The following ZNF469 variants were observed in gnomAD, a reference collection of about 807,000 sequenced individuals.
The protein encoded by ZNF469 is zinc finger protein 469.
A neutral mutation model predicts 1.0 loss-of-function variants in ZNF469; 1 was observed. The observed-to-expected ratio is 1.00, with a 90% CI of 0.35 to 4.73. The LOEUF (loss-of-function observed/expected upper bound fraction) is 4.73, where lower values mean the gene tolerates loss of function less well. Ranked by LOEUF, ZNF469 falls within the 30% of genes most tolerant of loss-of-function variation. ZNF469 has a pLI of 0.16. For missense variants in ZNF469, 6,100 were observed against 5,356.3 expected, an observed-to-expected ratio of 1.14 and a Z score of -4.33; for synonymous variants, 2,703 against 2,363.4, an observed-to-expected ratio of 1.14 and a Z score of -4.17.
chr16:88,230,877 G>C, the ZNF469 span, among the ~76,000 whole-genome samples: 225 of 152,162 alleles, frequency 1.5e-3, no homozygotes, highest in African/African-American at 4.8e-3. Context: ...GCCTGGCAGA[G>C]GCCCGGGCTC....
At chr16:88,318,248 G>A in the ZNF469 span, among the ~76,000 whole-genome samples, 3 of 152,210 alleles carry the variant, frequency 2.0e-5, no homozygotes, top group African/African-American at 7.2e-5. Flanking sequence ...CTGTGGCTGT[G>A]GGTATACCAA....
the ZNF469 span, among the ~76,000 whole-genome samples, chr16:88,250,912 C>A: frequency 3.9e-5 from 6 of 152,150 alleles, no homozygotes; most frequent in African/African-American, 1.4e-4. Context: ...GGGTATTGCT[C>A]TGTCCCACAG....
the ZNF469 span, among the ~76,000 whole-genome samples, chr16:88,151,128 G>A: frequency 2.0e-5 from 3 of 152,352 alleles, no homozygotes; most frequent in South Asian, 2.1e-4. This position sits in a 1 kb window ranked among gnomAD's most constrained non-coding sequence, Gnocchi z 5.4. Flanking sequence ...CTCCTCTGCC[G>A]GCTCAACCCA....
rs947559953 is a variant in ZNF469, at chr16:88,434,071, A to G, written c.6601A>G (p.Thr2201Ala). 17 of 1,550,202 alleles carry G rather than the reference A, an allele frequency of 1.1e-5. No individual in the cohort carries two copies. Among genetic ancestry groups the G allele is most frequent in the East Asian group, 2.4e-5 (1 of 40,922 alleles). ...CCCGGTGGCTCCCCCGTCTTTGACA[A>G]CAAGCCCCTGCGATCCCAAGGAAGC... Reference protein sequence around the residue: ...DSPVAPPSLTTSPCDPKEALA... With the variant: ...DSPVAPPSLTASPCDPKEALA... The change falls in exon 3 of 3, where the codon ACA becomes GCA. Residue 2201 changes from threonine (T) to alanine (A), a missense_variant. Thr to Ala is a moderately conservative substitution (Grantham distance 58). Coordinates refer to ENST00000565624, the MANE Select transcript of ZNF469 (RefSeq NM_001367624.2).
chr16:88,383,495 G>A (rs996975416), intron 1 of ZNF469, among the ~76,000 whole-genome samples: 3 of 149,352 alleles, frequency 2.0e-5, no homozygotes, highest in African/African-American at 7.3e-5. Flanking sequence ...GCCCGGCGGG[G>A]GCCGCAGCCT....
At chr16:88,231,694 C>G in the ZNF469 span, among the ~76,000 whole-genome samples, 2 of 152,212 alleles carry the variant, frequency 1.3e-5, no homozygotes, top group South Asian at 2.1e-4. The surrounding 1 kb of genome is among the most constrained non-coding windows in gnomAD (Gnocchi z 4.5). Context: ...CTCACACCTC[C>G]TCCTCCTGTG....
At chr16:88,293,378 T>G in the ZNF469 span, among the ~76,000 whole-genome samples, 1 of 151,888 alleles carries the variant, frequency 6.6e-6, no homozygotes, top group Non-Finnish European at 1.5e-5. Context: ...GGTGGATGAA[T>G]GGATAGTTAG....
At chr16:88,232,261 T>A in the ZNF469 span, among the ~76,000 whole-genome samples, 1 of 152,222 alleles carries the variant, frequency 6.6e-6, no homozygotes, top group African/African-American at 2.4e-5. Context: ...AGGATTGCCC[T>A]GCACAGCCAT....
the ZNF469 span, among the ~76,000 whole-genome samples, chr16:88,329,290 G>A: frequency 6.6e-6 from 1 of 152,238 alleles, no homozygotes; most frequent in African/African-American, 2.4e-5. Context: ...AGAACACGGA[G>A]AAGCCCCGTT....
the ZNF469 span, among the ~76,000 whole-genome samples, chr16:88,268,053 C>T: frequency 1.4e-4 from 21 of 152,114 alleles, no homozygotes; most frequent in East Asian, 2.1e-3. Context: ...GGCTTCGATG[C>T]GCTTTTCCCC....
chr16:88,307,004 C>T, the ZNF469 span, among the ~76,000 whole-genome samples: 2 of 152,200 alleles, frequency 1.3e-5, no homozygotes, highest in African/African-American at 4.8e-5. Context: ...CCTTGTTCCT[C>T]CCCCTACTTC....
At chr16:88,124,078 C>T in the ZNF469 span, among the ~76,000 whole-genome samples, 118,102 of 152,100 alleles carry the variant, frequency 0.78, 47,602 homozygotes, top group Middle Eastern at 0.91. Context: ...GCTGGGATCA[C>T]AGGCATGAGC....
At chr16:88,360,142 C>T in the ZNF469 span, among the ~76,000 whole-genome samples, 1 of 151,970 alleles carries the variant, frequency 6.6e-6, no homozygotes, top group African/African-American at 2.4e-5. Context: ...GCATGAGAAA[C>T]CACACCCGGC....
rs187024030 is a variant in ZNF469 at position 88,384,892 on chromosome 16, C to T, written c.-192+1638C>T. Among the ~76,000 whole-genome samples the T allele has an allele frequency of 1.8e-3, 267 of 152,188 alleles. 1 individual carries two copies. Among genetic ancestry groups the T allele is most frequent in the Middle Eastern group, 0.017 (5 of 294 alleles). On this transcript the variant is annotated intron_variant, in intron 1 of 2. Coordinates refer to ENST00000565624, the MANE Select transcript of ZNF469 (RefSeq NM_001367624.2). The stretch of plus-strand genomic sequence containing the variant: ...ACTCTGCTTGGATACCTCCAGTGAC[C>T]GGGAACTCACTCCCCATCACAGCAG...
At chr16:88,273,161 A>G in the ZNF469 span, among the ~76,000 whole-genome samples, 1 of 152,104 alleles carries the variant, frequency 6.6e-6, no homozygotes, top group African/African-American at 2.4e-5. Context: ...GGATAGCTGG[A>G]TAGATAGATA....
chr16:88,267,125 G>A, the ZNF469 span, among the ~76,000 whole-genome samples: 20 of 152,154 alleles, frequency 1.3e-4, no homozygotes, highest in African/African-American at 4.1e-4. Flanking sequence ...CACACTGGCT[G>A]GCGGCACCCT....
chr16:88,433,987 G>A lies in ZNF469; in HGVS notation c.6517G>A (p.Ala2173Thr). 1 of 1,550,244 alleles carries A rather than the reference G, an allele frequency of 6.5e-7. No homozygotes were observed. The part of the protein sequence containing the change: ...QQLLACSPAW[A>T]PLEEADGVQA... ...GCTGCTGGCCTGTTCTCCTGCCTGG[G>A]CACCTCTGGAAGAGGCAGATGGCGT... Residue 2173 changes from alanine (A) to threonine (T), a missense_variant, in exon 3 of 3, where the codon GCA (alanine) becomes ACA (threonine). Coordinates refer to ENST00000565624, the MANE Select transcript of ZNF469 (RefSeq NM_001367624.2).
At chr16:88,187,715 A>ATT in the ZNF469 span, among the ~76,000 whole-genome samples, 37,400 of 140,082 alleles carry the variant, frequency 0.27, 5,924 homozygotes, top group Middle Eastern at 0.39. Flanking sequence ...GATTGCCTGC[A>ATT]TTTTTTTTTT....
chr16:88,383,798 G>A (rs2092531347), intron 1 of ZNF469, among the ~76,000 whole-genome samples: 2 of 152,124 alleles, frequency 1.3e-5, no homozygotes, highest in South Asian at 4.1e-4. Flanking sequence ...GGACGGGGGT[G>A]GGAGCTTTGG....
Sources: allele counts gnomAD v4.1 joint callset (sites outside exome capture counted in the v4.1 genomes callset), GRCh38; gene constraint gnomAD v4.1.1; non-coding constraint Gnocchi (gnomAD v3.1); transcripts MANE v1.5; gene names NCBI Gene and HGNC (gene_info 2026-07-23, HGNC 2026-07-21).